BRPF1: variants seen among roughly 807,000 people sequenced by gnomAD.
The protein encoded by BRPF1 is peregrin.
A neutral mutation model predicts 115.0 loss-of-function variants in BRPF1; 15 were observed. The observed-to-expected ratio is 0.13, with a 90% CI of 0.09 to 0.20. The LOEUF (loss-of-function observed/expected upper bound fraction) is 0.20. BRPF1 is among the 10% of genes least tolerant of loss of function. The pLI is 1.00. For synonymous variants in BRPF1, 647 were observed against 619.8 expected (o/e 1.04, Z -0.65); for missense variants, 1,118 against 1,638.3 (o/e 0.68, Z 5.48).
In BRPF1 at chr3:9,734,832, G is replaced by A; in HGVS notation, c.599+93G>A. 6.8e-7 allele frequency: 1 copy of A among 1,471,122 alleles called. No individual in the cohort carries two copies. Among genetic ancestry groups the A allele is most frequent in the Non-Finnish European group, 9.3e-7 (1 of 1,080,238 alleles). The allele number at this position is 1,471,122 out of a possible 1,614,324, so 91.1% of individuals were successfully genotyped here. A position where few individuals can be genotyped will look rare whatever the true frequency, so the allele number is the denominator to read the frequency against. On this transcript the variant is annotated intron_variant, in intron 2 of 13. Transcript: ENST00000383829. This position sits in a 1 kb window ranked among gnomAD's most constrained non-coding sequence, Gnocchi z 5.7. ...GAGAGGCACAGATAGAAGAGTGACA[G>A]GAATAAAGAATAGTGAAAGAACACT... is the stretch of plus-strand genomic sequence containing the variant.
chr3:9,739,672 C>A lies in BRPF1; in HGVS notation c.1273C>A (p.Pro425Thr), dbSNP rs2076996806. 1 of 1,612,892 alleles carries A rather than the reference C, an allele frequency of 6.2e-7. No homozygotes were observed. Among genetic ancestry groups the A allele is most frequent in the Non-Finnish European group, 8.5e-7 (1 of 1,178,922 alleles). The change falls in exon 3 of 14, where the codon CCT becomes ACT. Residue 425 changes from proline (P) to threonine (T), a missense_variant. Physicochemically the swap from Pro to Thr is conservative, Grantham distance 38. Coordinates refer to ENST00000383829, the MANE Select transcript of BRPF1 (RefSeq NM_001003694.2). ...GGCTGGCCTTTACATGAAGATGGAG[C>A]CTGTGCGGGAGACAGGCGCCAACGG... ...QQAGLYMKMEPVRETGANGTS... is the reference protein window; with the variant it reads ...QQAGLYMKMETVRETGANGTS...
In BRPF1 at chr3:9,743,910, C is replaced by T; in HGVS notation, c.2635+9C>T. The T allele has an allele frequency of 1.3e-6, 2 of 1,553,166 alleles. No homozygotes were observed. Among genetic ancestry groups the T allele is most frequent in the Non-Finnish European group, 1.7e-6 (2 of 1,145,510 alleles). On this transcript the variant is annotated intron_variant, in intron 8 of 13. Coordinates refer to ENST00000383829, the MANE Select transcript of BRPF1 (RefSeq NM_001003694.2). The surrounding 1 kb of genome is among the most constrained non-coding windows in gnomAD (Gnocchi z 6.1). ...CCAGGAGACAAGCAAAGGTCTGAAT[C>T]CCATGGCAAGGTGGACCCCAAAGCA...
rs1559661392 is a variant in BRPF1 at position 9,740,842 on chromosome 3, C to T, written c.1623C>T (p.His541=). Residue 541 remains histidine (H), a synonymous_variant, in exon 4 of 14, where the codon CAC becomes CAT. Transcript: ENST00000383829. ...AGAGCCAGTTCATGCAGAGGCTGCA[C>T]AGCTACTGGACACTGAAGCGGCAGT... The part of the protein sequence containing the change: ...QRKSQFMQRL[H]SYWTLKRQSR... 1 of 1,614,170 alleles carries T rather than the reference C, an allele frequency of 6.2e-7. No individual in the cohort carries two copies. The highest frequency in any genetic ancestry group is 8.5e-7 in the Non-Finnish European group (1 of 1,180,052).
At chr3:9,735,683 C>T (rs2076928311) in intron 2 of BRPF1, among the ~76,000 whole-genome samples, 1 of 152,188 alleles carries the variant, frequency 6.6e-6, no homozygotes, top group African/African-American at 2.4e-5. Flanking sequence ...ATATTTAATA[C>T]TCCTCCAGTG....
Position 9,745,802 on chromosome 3 carries a change from T to G in BRPF1, c.3206-10T>G. ...TGCTGATCCACCCCCTCTCCCCCAT[T>G]CCTGTGAAGTGGTAAGGAAGAGTCT... On this transcript the variant is annotated splice_polypyrimidine_tract_variant and intron_variant, in intron 11 of 13. Transcript: ENST00000383829. The surrounding 1 kb of genome is among the most constrained non-coding windows in gnomAD (Gnocchi z 5.1). The G allele has an allele frequency of 6.2e-7, 1 of 1,612,998 alleles. No homozygotes were observed. The highest frequency in any genetic ancestry group is 8.5e-7 in the Non-Finnish European group (1 of 1,179,210).
In BRPF1 at chr3:9,747,095, G is replaced by C; in HGVS notation, c.3480-71G>C. Reference sequence around the variant, plus strand: ...GTGGGTGCTTGGGTGGTGTGTTTGAGTGAATAGAGGAGGAAGGCTGGTCCT... The same window carrying C: ...GTGGGTGCTTGGGTGGTGTGTTTGACTGAATAGAGGAGGAAGGCTGGTCCT... On this transcript the variant is annotated intron_variant, in intron 13 of 13. Transcript: ENST00000383829. This position sits in a 1 kb window ranked among gnomAD's most constrained non-coding sequence, Gnocchi z 5.6. 2 of 1,556,160 alleles carry C rather than the reference G, an allele frequency of 1.3e-6. No homozygotes were observed. Among genetic ancestry groups the C allele is most frequent in the Non-Finnish European group, 8.8e-7 (1 of 1,137,028 alleles).
At chr3:9,741,505 CAGGCGCCTGTAGTCCCAGCTACTCGGG>C in intron 5 of BRPF1, 66 bp downstream of exon 5, 2 of 1,460,548 alleles carry the variant, frequency 1.4e-6, no homozygotes, top group East Asian at 5.0e-5. Flanking sequence ...GGCATGGTGG[CAGGCGCCTGTAGTCCCAGCTACTCGGG>C]AGGCTGAGGC....
rs757828461 is a variant in BRPF1 at position 9,739,190 on chromosome 3, G to C, written c.791G>C (p.Gly264Ala). The change falls in exon 3 of 14, where the codon GGC (glycine) becomes GCC (alanine). Residue 264 changes from glycine to alanine, a missense_variant. Physicochemically the swap from Gly to Ala is moderately conservative, Grantham distance 60. Transcript: ENST00000383829. ...KESYFESHNK[G>A]DPNALVDEDA... Reference sequence around the variant, plus strand: ...TCGTACTTTGAGAGTCATAATAAAGGCGACCCTAATGCGCTAGTGGACGAG... The same window carrying C: ...TCGTACTTTGAGAGTCATAATAAAGCCGACCCTAATGCGCTAGTGGACGAG... 6.2e-7 allele frequency: 1 copy of C among 1,613,912 alleles called. No homozygotes were observed. The highest frequency in any genetic ancestry group is 8.5e-7 in the Non-Finnish European group (1 of 1,179,860).
chr3:9,733,617 C>T (rs1402383190), intron 1 of BRPF1, among the ~76,000 whole-genome samples: 2 of 152,110 alleles, frequency 1.3e-5, no homozygotes, highest in Non-Finnish European at 2.9e-5. Context: ...AGTAGGAGCC[C>T]ACCAATCAGA....
rs1302725901 is a variant in BRPF1 at position 9,743,771 on chromosome 3, GGGACGTGATGGCCCT to G, written c.2507_2521del (p.Gly836_Pro840del). ...GGAAGCTTGCCCATCAGCGAGAGAC[GGGACGTGATGGCCCT>G]GAGCGGCATGGCCCCTCGAGCCGGG... On this transcript the variant is annotated inframe_deletion, in exon 8 of 14. Coordinates refer to ENST00000383829, the MANE Select transcript of BRPF1 (RefSeq NM_001003694.2). The surrounding 1 kb of genome is among the most constrained non-coding windows in gnomAD (Gnocchi z 6.1). 1.2e-6 allele frequency: 2 copies of G among 1,614,038 alleles called. No homozygotes were observed. Among genetic ancestry groups the G allele is most frequent in the Non-Finnish European group, 1.7e-6 (2 of 1,180,052 alleles).
rs1338530329 is a variant in BRPF1, at chr3:9,747,122, G to A, written c.3480-44G>A. Reference sequence around the variant, plus strand: ...GAATAGAGGAGGAAGGCTGGTCCTTGTTCTCCCTGAGATGATTTATTTGAT... The same window carrying A: ...GAATAGAGGAGGAAGGCTGGTCCTTATTCTCCCTGAGATGATTTATTTGAT... On this transcript the variant is annotated intron_variant, in intron 13 of 13. Coordinates refer to ENST00000383829, the MANE Select transcript of BRPF1 (RefSeq NM_001003694.2). The surrounding 1 kb of genome is among the most constrained non-coding windows in gnomAD (Gnocchi z 5.6). 1.2e-6 allele frequency: 2 copies of A among 1,607,146 alleles called. No individual in the cohort carries two copies. The highest frequency in any genetic ancestry group is 1.7e-6 in the Non-Finnish European group (2 of 1,175,060).
In BRPF1 at chr3:9,743,926, C is replaced by T. The variant is rs1330199493; in HGVS notation, c.2635+25C>T. The T allele has an allele frequency of 3.9e-6, 6 of 1,539,716 alleles. No individual in the cohort carries two copies. The highest frequency in any genetic ancestry group is 1.2e-5 in the South Asian group (1 of 80,322). On this transcript the variant is annotated intron_variant, in intron 8 of 13. Transcript: ENST00000383829. This position sits in a 1 kb window ranked among gnomAD's most constrained non-coding sequence, Gnocchi z 6.1. Reference sequence around the variant, plus strand: ...GGTCTGAATCCCATGGCAAGGTGGACCCCAAAGCAAGTCAGACTTTGGCTC... The same window carrying T: ...GGTCTGAATCCCATGGCAAGGTGGATCCCAAAGCAAGTCAGACTTTGGCTC...
chr3:9,744,448 C>T lies in BRPF1; in HGVS notation c.2860C>T (p.Pro954Ser), dbSNP rs770751512. 1.4e-5 allele frequency: 22 copies of T among 1,595,560 alleles called. No homozygotes were observed. The highest frequency in any genetic ancestry group is 1.9e-5 in the Non-Finnish European group (22 of 1,171,556). The change falls in exon 9 of 14, where the codon CCC becomes TCC. Residue 954 changes from proline (P) to serine (S), a missense_variant. Pro to Ser is a moderately conservative substitution (Grantham distance 74). This residue lies in a region of BRPF1 where 92 missense variants were observed against 102.2 expected (regional missense o/e 0.90). Transcript: ENST00000383829. Reference protein sequence around the residue: ...SLRQRKRGRSPRPSSSSDSDS... With the variant: ...SLRQRKRGRSSRPSSSSDSDS... The stretch of plus-strand genomic sequence containing the variant: ...GCGTCAGCGCAAGCGGGGTAGGAGC[C>T]CCCGGCCCAGTTCGAGCTCAGACAG...
intron 2 of BRPF1, among the ~76,000 whole-genome samples, chr3:9,737,549 T>C (rs1006716702): frequency 2.0e-5 from 3 of 152,250 alleles, no homozygotes; most frequent in Non-Finnish European, 1.5e-5. Flanking sequence ...CTCCAGAGCC[T>C]GTGTGTGCTG....
intron 2 of BRPF1, among the ~76,000 whole-genome samples, chr3:9,737,981 A>T (rs768898227): frequency 1.8e-4 from 28 of 152,308 alleles, no homozygotes; most frequent in Non-Finnish European, 3.4e-4. Flanking sequence ...GTGATGTCCT[A>T]AAAGTCATAA....
At chr3:9,737,311 G>A (rs2076958662) in intron 2 of BRPF1, among the ~76,000 whole-genome samples, 2 of 152,220 alleles carry the variant, frequency 1.3e-5, no homozygotes, top group South Asian at 4.1e-4. Flanking sequence ...TATAATGCTA[G>A]GAAGGTGGGT....
At position 9,734,351 on chromosome 3, in the gene BRPF1, G is replaced by T; in HGVS notation, c.211G>T (p.Ala71Ser). The T allele has an allele frequency of 6.2e-7, 1 of 1,614,088 alleles. No individual in the cohort carries two copies. The highest frequency in any genetic ancestry group is 8.5e-7 in the Non-Finnish European group (1 of 1,180,036). The stretch of plus-strand genomic sequence containing the variant: ...GAAAAAGGGGCGCCAGTCACGCCCA[G>T]CCAACAAGCAGTCACCCAGCCCCTC... ...HKKKGRQSRP[A>S]NKQSPSPSEV... The change falls in exon 2 of 14, where the codon GCC becomes TCC. Residue 71 changes from alanine to serine, a missense_variant. Physicochemically the swap from Ala to Ser is moderately conservative, Grantham distance 99. Around this residue, in one of 10 missense-constraint regions of BRPF1, gnomAD observed 280 missense variants for 382.8 expected, o/e 0.73. Coordinates refer to ENST00000383829, the MANE Select transcript of BRPF1 (RefSeq NM_001003694.2). This position sits in a 1 kb window ranked among gnomAD's most constrained non-coding sequence, Gnocchi z 5.7.
intron 5 of BRPF1, among the ~76,000 whole-genome samples, chr3:9,741,782 G>A (rs183425148): frequency 3.9e-4 from 59 of 152,096 alleles, no homozygotes; most frequent in African/African-American, 1.4e-3. Flanking sequence ...AGGAGCGTAT[G>A]AACAGAATCC....
intron 13 of BRPF1, among the ~76,000 whole-genome samples, chr3:9,746,802 C>T (rs2077134312): frequency 1.3e-5 from 2 of 152,066 alleles, no homozygotes; most frequent in South Asian, 4.1e-4. Context: ...AACATTCAGG[C>T]TCTGAATCCC....
Sources: gnomAD v4.1 joint callset for allele counts (sites outside exome capture counted in the v4.1 genomes callset) on GRCh38, gnomAD v4.1.1 for gene constraint, gnomAD v4.1.1 regional missense constraint, Gnocchi (gnomAD v3.1) non-coding constraint, MANE v1.5 for transcripts, NCBI Gene and HGNC (gene_info 2026-07-23, HGNC 2026-07-21) for gene names.